Variants in ART1 observed in about 807,000 individuals in gnomAD.
ART1 encodes the protein GPI-linked NAD(P)(+)--arginine ADP-ribosyltransferase 1.
Under a neutral mutation model 27.0 loss-of-function variants are expected in ART1, and 29 were observed. The ratio of observed to expected loss-of-function variants is 1.08; its 90% CI spans 0.80 to 1.47. The LOEUF (loss-of-function observed/expected upper bound fraction) is 1.47, where lower values mean the gene tolerates loss of function less well. ART1 is among the 40% of genes most tolerant of loss of function. The pLI is 0.00. For synonymous variants in ART1, 201 were observed against 172.2 expected (o/e 1.17, Z -1.31); for missense variants, 480 against 423.0 (o/e 1.13, Z -1.18).
chr11:3,664,030 C>A, intron 4 of ART1, 62 bp from the exon 5 acceptor site: 1 of 1,542,036 alleles, frequency 6.5e-7, no homozygotes, highest in Non-Finnish European at 8.9e-7. Context: ...TGCTCCTGTG[C>A]TCCTAAATAC....
chr11:3,650,248 A>G (rs186833765), intron 1 of ART1, among the ~76,000 whole-genome samples: 4,934 of 152,260 alleles, frequency 0.032, 119 homozygotes, highest in South Asian at 0.13. Flanking sequence ...AGGAATACCC[A>G]CAGCCCAGGA....
intron 1 of ART1, among the ~76,000 whole-genome samples, chr11:3,655,262 C>T (rs901280153): frequency 6.6e-6 from 1 of 152,170 alleles, no homozygotes; most frequent in Non-Finnish European, 1.5e-5. Context: ...CAGACAAGTA[C>T]ATGGGTGCAG....
chr11:3,655,323 A>T (rs2077564330), intron 1 of ART1, among the ~76,000 whole-genome samples: 2 of 115,862 alleles, frequency 1.7e-5, no homozygotes, highest in Admixed American at 1.2e-4. Flanking sequence ...GGAGCGGCAA[A>T]GTCAGACAGA....
intron 1 of ART1, chr11:3,655,413 G>T (rs1483449648): frequency 2.0e-5 from 3 of 152,236 alleles, no homozygotes; most frequent in Non-Finnish European, 2.9e-5. Context: ...GGGACAGGAA[G>T]TCTGACTTCC....
At chr11:3,650,134 A>C (rs1208378839) in intron 1 of ART1, among the ~76,000 whole-genome samples, 1 of 152,204 alleles carries the variant, frequency 6.6e-6, no homozygotes, top group East Asian at 1.9e-4. Context: ...CATCTCCGGC[A>C]CACAAGAACT....
intron 1 of ART1, among the ~76,000 whole-genome samples, chr11:3,658,368 A>T (rs1055270160): frequency 6.6e-6 from 1 of 151,406 alleles, no homozygotes; most frequent in Non-Finnish European, 1.5e-5. Context: ...AAGAAAAAAA[A>T]GGAAACTGCC....
Position 3,659,937 on chromosome 11 carries a change from C to T in ART1, c.418C>T (p.Arg140Cys), listed in dbSNP as rs537517512. The T allele has an allele frequency of 3.4e-5, 55 of 1,613,506 alleles. No homozygotes were observed. Among genetic ancestry groups the T allele is most frequent in the Middle Eastern group, 1.6e-4 (1 of 6,062 alleles). The change falls in exon 3 of 5, where the codon CGC becomes TGC. Residue 140 changes from arginine (R) to cysteine (C), a missense_variant. By Grantham distance (180) the Arg-to-Cys change is radical. Coordinates refer to ENST00000250693, the MANE Select transcript of ART1 (RefSeq NM_004314.3). ...CAATGCAGCCGTGCGTGAGGCGGGCCGCTCCCGGGCCCACTACCTCCACCA... is the reference window on the plus strand; with the variant it reads ...CAATGCAGCCGTGCGTGAGGCGGGCTGCTCCCGGGCCCACTACCTCCACCA... The part of the protein sequence containing the change: ...EFNAAVREAG[R>C]SRAHYLHHFS...
At chr11:3,656,889 G>A (rs541296161) in intron 1 of ART1, among the ~76,000 whole-genome samples, 2 of 152,232 alleles carry the variant, frequency 1.3e-5, no homozygotes, top group South Asian at 2.1e-4. Context: ...AGCTTTTGAG[G>A]GGGAGAAGAT....
intron 3 of ART1, 149 bp from the exon 4 acceptor site, chr11:3,661,223 A>G: frequency 1.5e-6 from 1 of 658,250 alleles, no homozygotes; most frequent in Middle Eastern, 3.4e-4. Flanking sequence ...AACCTAGTCA[A>G]GGGAGGTTCC....
chr11:3,645,316 T>C (rs563616456), intron 1 of ART1, 137 bp downstream of exon 1: 1 of 152,050 alleles, frequency 6.6e-6, no homozygotes, highest in Non-Finnish European at 1.5e-5. Flanking sequence ...TTGGGATACC[T>C]AGGAAGGTTG....
chr11:3,648,465 T>C (rs1404847976), intron 1 of ART1, among the ~76,000 whole-genome samples: 1 of 152,188 alleles, frequency 6.6e-6, no homozygotes, highest in Non-Finnish European at 1.5e-5. Flanking sequence ...GTAAGCAGAC[T>C]CTTTTTACTC....
rs1287101435 is a variant in ART1 at position 3,663,020 on chromosome 11, CTCATCTCATCTCA to C, written c.887-1056_887-1044del. 1.6e-3 allele frequency among the ~76,000 whole-genome samples: 226 copies of C among 142,958 alleles called. 5 individuals carry two copies. The highest frequency in any genetic ancestry group is 5.7e-3 in the African/African-American group (208 of 36,258). The allele number at this position is 142,958 out of a possible 152,430, so 93.8% of individuals were successfully genotyped here. On this transcript the variant is annotated intron_variant, in intron 4 of 4. Transcript: ENST00000250693. The stretch of plus-strand genomic sequence containing the variant: ...CCCAGACATCATCTCATCTCATCAT[CTCATCTCATCTCA>C]TCATCTCATCTCATCTCATCTCATC...
intron 1 of ART1, among the ~76,000 whole-genome samples, chr11:3,652,455 G>A (rs533867161): frequency 0.058 from 8,640 of 147,694 alleles, 629 homozygotes; most frequent in African/African-American, 0.16. Context: ...CGGACTAAAG[G>A]TCTTTTAAAA....
intron 4 of ART1, 77 bp downstream of exon 4, chr11:3,661,490 C>CTTTTTTTTTTT (rs530856927): frequency 9.4e-6 from 3 of 320,470 alleles, no homozygotes; most frequent in Non-Finnish European, 1.1e-5. Flanking sequence ...TCACCTCGAT[C>CTTTTTTTTTTT]TTTTTTTTTT....
rs1335077857 is a variant in ART1 at position 3,662,672 on chromosome 11, C to T, written c.886+1259C>T. ...CCAGCCTGACCAACATGGAGAAACC[C>T]CGTCTCTACTAAAAATACAAAATTA... On this transcript the variant is annotated intron_variant, in intron 4 of 4. Coordinates refer to ENST00000250693, the MANE Select transcript of ART1 (RefSeq NM_004314.3). 3.3e-5 allele frequency among the ~76,000 whole-genome samples: 5 copies of T among 152,094 alleles called. 1 individual carries two copies. The highest frequency in any genetic ancestry group is 3.3e-4 in the Admixed American group (5 of 15,262).
At chr11:3,658,190 G>GA (rs2077588247) in intron 1 of ART1, among the ~76,000 whole-genome samples, 1 of 151,856 alleles carries the variant, frequency 6.6e-6, no homozygotes, top group Admixed American at 6.6e-5. Flanking sequence ...AAAATTAGCT[G>GA]GGTGTGGAGG....
chr11:3,660,206 C>T lies in ART1; in HGVS notation c.687C>T (p.Ile229=). 1 of 1,614,096 alleles carries T rather than the reference C, an allele frequency of 6.2e-7. No homozygotes were observed. Among genetic ancestry groups the T allele is most frequent in the Middle Eastern group, 1.6e-4 (1 of 6,062 alleles). Residue 229 remains isoleucine, a synonymous_variant, in exon 3 of 5, where the codon ATC becomes ATT. Coordinates refer to ENST00000250693, the MANE Select transcript of ART1 (RefSeq NM_004314.3). ...FGIWTCLGAP[I]KGYSFFPGEE... ...TCTGGACCTGCCTTGGGGCCCCTAT[C>T]AAGGGCTACTCCTTCTTCCCTGGAG...
chr11:3,651,522 T>C (rs540497077), intron 1 of ART1, among the ~76,000 whole-genome samples: 2 of 146,314 alleles, frequency 1.4e-5, no homozygotes, highest in South Asian at 2.2e-4. Context: ...CCGCATCCTA[T>C]AGCCTTTCTG....
chr11:3,658,940 A>G (rs1201589512), intron 1 of ART1, among the ~76,000 whole-genome samples: 2 of 151,836 alleles, frequency 1.3e-5, no homozygotes, highest in Non-Finnish European at 2.9e-5. Flanking sequence ...TTTCTCTCCC[A>G]GTCTCCACTT....
Sources: allele counts gnomAD v4.1 joint callset (sites outside exome capture counted in the v4.1 genomes callset), GRCh38; gene constraint gnomAD v4.1.1; transcripts MANE v1.5; gene names NCBI Gene and HGNC (gene_info 2026-07-23, HGNC 2026-07-21).